LRRTM3: variants seen among roughly 807,000 people sequenced by gnomAD.
LRRTM3 encodes leucine rich repeat transmembrane neuronal 3, also known as leucine-rich repeat transmembrane neuronal protein 3.
Under a neutral mutation model 44.7 loss-of-function variants are expected in LRRTM3, and 24 were observed. That is an observed-to-expected ratio of 0.54 (90% CI 0.39 to 0.76). LRRTM3 has a LOEUF of 0.76. Ranked by LOEUF, LRRTM3 falls within the 30% of genes least tolerant of loss-of-function variation. LRRTM3 has a pLI of 0.00. For synonymous variants in LRRTM3, 277 were observed against 278.7 expected (o/e 0.99, Z 0.06); for missense variants, 587 against 702.2 (o/e 0.84, Z 1.85).
chr10:66,932,417 G>GT (rs1477811926), intron 2 of LRRTM3, among the ~76,000 whole-genome samples: 1 of 152,154 alleles, frequency 6.6e-6, no homozygotes, highest in Admixed American at 6.5e-5. Context: ...GACATGGCAA[G>GT]TAAGAATCGA....
chr10:67,008,089 T>TA (rs936660112), intron 2 of LRRTM3, among the ~76,000 whole-genome samples: 10 of 152,030 alleles, frequency 6.6e-5, no homozygotes, highest in African/African-American at 2.4e-4. Context: ...TGTTTTTTTT[T>TA]AATGCCCATC....
chr10:67,049,836 T>G (rs998544614), intron 2 of LRRTM3, among the ~76,000 whole-genome samples: 9 of 152,204 alleles, frequency 5.9e-5, no homozygotes, highest in Non-Finnish European at 1.2e-4. Flanking sequence ...TTTATATATA[T>G]TACAAATATA....
intron 2 of LRRTM3, among the ~76,000 whole-genome samples, chr10:66,929,750 A>G (rs1847266650): frequency 6.6e-6 from 1 of 152,236 alleles, no homozygotes; most frequent in Non-Finnish European, 1.5e-5. Flanking sequence ...GCAATCTGCA[A>G]GCTGCATGCA....
At chr10:67,047,099 C>T (rs1048204137) in intron 2 of LRRTM3, among the ~76,000 whole-genome samples, 2 of 152,118 alleles carry the variant, frequency 1.3e-5, no homozygotes, top group African/African-American at 4.8e-5. Context: ...AGACAGAGGA[C>T]AATGAAGACA....
intron 2 of LRRTM3, among the ~76,000 whole-genome samples, chr10:66,929,307 T>G (rs1321477729): frequency 1.3e-5 from 2 of 152,174 alleles, no homozygotes; most frequent in Admixed American, 1.3e-4. Context: ...AGTTTTCAGA[T>G]AAGGTTCGCG....
chr10:66,974,444 T>C (rs1310353373), intron 2 of LRRTM3, among the ~76,000 whole-genome samples: 3 of 152,216 alleles, frequency 2.0e-5, no homozygotes, highest in African/African-American at 7.2e-5. Context: ...TTTTGACTAT[T>C]GTGAATTAAG....
At chr10:66,938,271 G>A (rs7075547) in intron 2 of LRRTM3, among the ~76,000 whole-genome samples, 43,112 of 151,682 alleles carry the variant, frequency 0.28, 6,390 homozygotes, top group Middle Eastern at 0.33. Flanking sequence ...ACAATGTGAG[G>A]GTCAAGAGAA....
chr10:66,989,065 G>A (rs1416512817), intron 2 of LRRTM3, among the ~76,000 whole-genome samples: 2 of 151,846 alleles, frequency 1.3e-5, no homozygotes, highest in Admixed American at 6.6e-5. Context: ...GCAAGAAAAA[G>A]TGTTTTTTTA....
intron 2 of LRRTM3, among the ~76,000 whole-genome samples, chr10:66,999,762 T>C (rs7083516): frequency 0.31 from 47,628 of 152,124 alleles, 8,664 homozygotes; most frequent in East Asian, 0.53. Flanking sequence ...TTTATCAATT[T>C]ATCTTAGTTG....
chr10:67,012,974 T>C (rs1236017984), intron 2 of LRRTM3: 1 of 152,182 alleles, frequency 6.6e-6, no homozygotes, highest in Non-Finnish European at 1.5e-5. Flanking sequence ...TTTTCCCTTA[T>C]ATTTTCCAGG....
At chr10:66,968,512 G>T (rs1849554793) in intron 2 of LRRTM3, among the ~76,000 whole-genome samples, 1 of 151,716 alleles carries the variant, frequency 6.6e-6, no homozygotes, top group Non-Finnish European at 1.5e-5. Flanking sequence ...TATGAAGAAA[G>T]TTCATATCTA....
At chr10:67,073,362 A>G (rs917216203) in intron 2 of LRRTM3, among the ~76,000 whole-genome samples, 2 of 152,176 alleles carry the variant, frequency 1.3e-5, no homozygotes, top group African/African-American at 4.8e-5. Flanking sequence ...ACCTTCAACC[A>G]TATTGCTTTT....
At chr10:66,972,409 G>C (rs1201842565) in intron 2 of LRRTM3, among the ~76,000 whole-genome samples, 1 of 152,120 alleles carries the variant, frequency 6.6e-6, no homozygotes, top group Admixed American at 6.6e-5. Flanking sequence ...TCCTGCCTCA[G>C]CCTCCTGAGT....
chr10:66,982,285 T>C (rs1850486280), intron 2 of LRRTM3, among the ~76,000 whole-genome samples: 1 of 152,156 alleles, frequency 6.6e-6, no homozygotes, highest in Non-Finnish European at 1.5e-5. Flanking sequence ...GAATAATCAT[T>C]TTGTACTGGA....
chr10:67,009,397 C>T (rs1164896417), intron 2 of LRRTM3, among the ~76,000 whole-genome samples: 1 of 151,872 alleles, frequency 6.6e-6, no homozygotes, highest in Non-Finnish European at 1.5e-5. Context: ...GTTGTTATTG[C>T]TTCTAATATT....
At chr10:66,968,899 C>T (rs1452120428) in intron 2 of LRRTM3, among the ~76,000 whole-genome samples, 2 of 151,938 alleles carry the variant, frequency 1.3e-5, no homozygotes, top group African/African-American at 4.8e-5. Context: ...TGCCTGTAAT[C>T]CTAGCTGCTG....
At chr10:66,944,074 T>G (rs2132693221) in intron 2 of LRRTM3, among the ~76,000 whole-genome samples, 1 of 152,254 alleles carries the variant, frequency 6.6e-6, no homozygotes, top group African/African-American at 2.4e-5. Flanking sequence ...GCTGCATTGG[T>G]TGACTCTTTC....
chr10:67,016,447 T>C (rs1852663129), intron 2 of LRRTM3, among the ~76,000 whole-genome samples: 1 of 152,216 alleles, frequency 6.6e-6, no homozygotes, highest in Non-Finnish European at 1.5e-5. Flanking sequence ...TACCACCTAC[T>C]TCTTCCACCT....
At chr10:67,065,277 C>T (rs539361416) in intron 2 of LRRTM3, among the ~76,000 whole-genome samples, 3 of 152,272 alleles carry the variant, frequency 2.0e-5, no homozygotes, top group African/African-American at 4.8e-5. Context: ...CTTTGAGTCT[C>T]TGTTTCATCA....
Sources: gnomAD v4.1 joint callset for allele counts (sites outside exome capture counted in the v4.1 genomes callset) on GRCh38, gnomAD v4.1.1 for gene constraint, MANE v1.5 for transcripts, NCBI Gene and HGNC (gene_info 2026-07-23, HGNC 2026-07-21) for gene names.